Variants in PAM observed in about 807,000 individuals in gnomAD.
PAM encodes the protein peptidylglycine alpha-amidating monooxygenase.
Under a neutral mutation model 122.1 loss-of-function variants are expected in PAM, and 72 were observed. The observed-to-expected ratio is 0.59, with a 90% CI of 0.49 to 0.72. The LOEUF (loss-of-function observed/expected upper bound fraction) is 0.72. PAM is among the 30% of genes least tolerant of loss of function. The pLI, the probability that PAM is intolerant of heterozygous loss-of-function variation, is 0.00. For missense variants in PAM, 1,106 were observed against 1,183.7 expected (o/e 0.93, Z 0.96); for synonymous variants, 389 against 404.4 (o/e 0.96, Z 0.46).
rs144603907 is a variant in PAM at position 102,929,950 on chromosome 5, A to G, written c.526+3282A>G. Among the ~76,000 whole-genome samples, 1,125 of 152,138 alleles carry G rather than the reference A, an allele frequency of 7.4e-3. 8 individuals are homozygous for G. The highest frequency in any genetic ancestry group is 0.012 in the Non-Finnish European group (845 of 67,988). On this transcript the variant is annotated intron_variant, in intron 7 of 25. Coordinates refer to ENST00000438793, the MANE Select transcript of PAM (RefSeq NM_001177306.2). ...GTGGCCCAAGACAATTCTTCTTCCA[A>G]TGTGGCCCAGGAAAGCCAAAAGATT...
chr5:102,866,215 G>C lies in PAM; in HGVS notation c.20G>C (p.Ser7Thr). 1 of 1,613,384 alleles carries C rather than the reference G, an allele frequency of 6.2e-7. No homozygotes were observed. The highest frequency in any genetic ancestry group is 8.5e-7 in the Non-Finnish European group (1 of 1,179,730). The change falls in exon 2 of 26, where the codon AGC becomes ACC. Residue 7 changes from serine to threonine, a missense_variant. By Grantham distance (58) the Ser-to-Thr change is moderately conservative. This residue lies in a region of PAM where 670 missense variants were observed against 690.3 expected (regional missense o/e 0.97). Transcript: ENST00000438793. MAGRVPSLLVLLVFPSS... is the reference protein window; with the variant it reads MAGRVPTLLVLLVFPSS... ...GTGGACATGGCTGGCCGCGTCCCTAGCCTGCTAGTTCTCCTTGTTTTTCCA... is the reference window on the plus strand; with the variant it reads ...GTGGACATGGCTGGCCGCGTCCCTACCCTGCTAGTTCTCCTTGTTTTTCCA...
intron 20 of PAM, among the ~76,000 whole-genome samples, chr5:103,008,726 A>G (rs1184011317): frequency 6.6e-6 from 1 of 152,142 alleles, no homozygotes; most frequent in Non-Finnish European, 1.5e-5. Flanking sequence ...AGAAAAAGTA[A>G]TAAGAGGTTC....
At chr5:102,754,837 C>G (rs1400488377), upstream of PAM, 1 of 152,286 alleles carries the variant, frequency 6.6e-6, no homozygotes, top group Non-Finnish European at 1.5e-5. Flanking sequence ...AAGGCTGCTT[C>G]TAGGGACACG....
At chr5:102,926,017 T>C (rs1442408421) in intron 6 of PAM, among the ~76,000 whole-genome samples, 1 of 152,184 alleles carries the variant, frequency 6.6e-6, no homozygotes, top group East Asian at 1.9e-4. Context: ...AAGAGGTCTA[T>C]TTCCTATATT....
intron 3 of PAM, among the ~76,000 whole-genome samples, chr5:102,880,116 A>C (rs934365803): frequency 6.6e-6 from 1 of 152,114 alleles, no homozygotes; most frequent in African/African-American, 2.4e-5. Context: ...TTTCATCTCT[A>C]CAAAAAATAA....
intron 14 of PAM, among the ~76,000 whole-genome samples, chr5:102,970,253 T>C (rs1185598250): frequency 6.6e-6 from 1 of 152,238 alleles, no homozygotes; most frequent in Non-Finnish European, 1.5e-5. Flanking sequence ...TATTTATGTT[T>C]TGAATATAAA....
chr5:102,956,690 G>T (rs988643490), intron 12 of PAM, among the ~76,000 whole-genome samples: 1 of 151,632 alleles, frequency 6.6e-6, no homozygotes, highest in African/African-American at 2.4e-5. Flanking sequence ...CCATAATTAC[G>T]ATCTATAATT....
chr5:102,918,410 G>C (rs1746205440), intron 5 of PAM, among the ~76,000 whole-genome samples: 1 of 152,086 alleles, frequency 6.6e-6, no homozygotes, highest in African/African-American at 2.4e-5. Context: ...AGCTCTAAGT[G>C]AGCAGATGCT....
At chr5:102,848,391 G>C (rs1780483651) in intron 1 of PAM, among the ~76,000 whole-genome samples, 1 of 152,140 alleles carries the variant, frequency 6.6e-6, no homozygotes, top group Non-Finnish European at 1.5e-5. Flanking sequence ...TTACATGAAA[G>C]GGTTAACCCT....
At chr5:102,814,805 A>G (rs761332335) in intron 1 of PAM, among the ~76,000 whole-genome samples, 5 of 151,950 alleles carry the variant, frequency 3.3e-5, no homozygotes, top group Non-Finnish European at 5.9e-5. Context: ...CAGTTATTCC[A>G]TTAAGCTTTG....
intron 16 of PAM, among the ~76,000 whole-genome samples, chr5:102,992,164 A>G (rs3776864): frequency 6.6e-6 from 1 of 151,736 alleles, no homozygotes. Flanking sequence ...CTAGGTAACC[A>G]GGATCCTGTG....
intron 7 of PAM, among the ~76,000 whole-genome samples, chr5:102,934,819 C>A (rs1175022271): frequency 6.6e-6 from 1 of 152,166 alleles, no homozygotes; most frequent in Admixed American, 6.6e-5. Flanking sequence ...TCATCATATT[C>A]ATTCAAGTCA....
intron 3 of PAM, among the ~76,000 whole-genome samples, chr5:102,887,265 C>T (rs1055051422): frequency 2.1e-4 from 32 of 151,870 alleles, no homozygotes; most frequent in African/African-American, 7.5e-4. Context: ...CAGGAGAATG[C>T]GTTGTTCGAA....
chr5:102,954,676 A>G (rs11954961), intron 12 of PAM, among the ~76,000 whole-genome samples: 2,275 of 152,152 alleles, frequency 0.015, 48 homozygotes, highest in African/African-American at 0.052. Flanking sequence ...TATATTCAGG[A>G]TGATACTTCT....
chr5:103,016,384 T>G (rs1364861161), intron 21 of PAM, among the ~76,000 whole-genome samples: 1 of 152,208 alleles, frequency 6.6e-6, no homozygotes, highest in African/African-American at 2.4e-5. Context: ...GTCTGGATAC[T>G]CACTAGTCAT....
intron 1 of PAM, among the ~76,000 whole-genome samples, chr5:102,792,350 G>C (rs576776581): frequency 6.6e-6 from 1 of 152,146 alleles, no homozygotes; most frequent in African/African-American, 2.4e-5. Flanking sequence ...ACTGATAAAC[G>C]ACGTGGGGAA....
chr5:102,960,861 A>T (rs1762274256), intron 13 of PAM, among the ~76,000 whole-genome samples: 2 of 150,022 alleles, frequency 1.3e-5, no homozygotes, highest in African/African-American at 4.9e-5. Flanking sequence ...TAATTTAAGA[A>T]AACAAATATG....
chr5:103,004,124 G>A (rs1313744656), intron 17 of PAM, among the ~76,000 whole-genome samples: 5 of 152,178 alleles, frequency 3.3e-5, no homozygotes, highest in South Asian at 2.1e-4. Context: ...GATAGCCACC[G>A]TTTTGAGTGC....
chr5:102,767,938 C>T (rs187972997), intron 1 of PAM, among the ~76,000 whole-genome samples: 8 of 152,128 alleles, frequency 5.3e-5, no homozygotes, highest in Admixed American at 2.6e-4. Flanking sequence ...GTGCTGGGAC[C>T]AGGATTTGAA....
Sources: gnomAD v4.1 joint callset for allele counts (sites outside exome capture counted in the v4.1 genomes callset) on GRCh38, gnomAD v4.1.1 for gene constraint, gnomAD v4.1.1 regional missense constraint, MANE v1.5 for transcripts, NCBI Gene and HGNC (gene_info 2026-07-23, HGNC 2026-07-21) for gene names.